ADAMTS18: variants seen among roughly 807,000 people sequenced by gnomAD.
The protein encoded by ADAMTS18 is ADAM metallopeptidase with thrombospondin type 1 motif 18, also known as A disintegrin and metalloproteinase with thrombospondin motifs 18.
ADAMTS18 carries 157 observed loss-of-function variants against 165.9 expected under a neutral mutation model. The ratio of observed to expected loss-of-function variants is 0.95; its 90% CI spans 0.83 to 1.08. The LOEUF (loss-of-function observed/expected upper bound fraction) is 1.08. ADAMTS18 is among the 50% of genes least tolerant of loss of function. ADAMTS18 has a pLI of 0.00. For synonymous variants in ADAMTS18, 782 were observed against 578.2 expected, an observed-to-expected ratio of 1.35 and a Z score of -5.06; for missense variants, 2,040 against 1,534.0, an observed-to-expected ratio of 1.33 and a Z score of -5.51.
intron 3 of ADAMTS18, among the ~76,000 whole-genome samples, chr16:77,373,877 T>C (rs13332995): frequency 0.32 from 48,823 of 151,926 alleles, 8,949 homozygotes; most frequent in East Asian, 0.59. Context: ...ACAGCAGGGG[T>C]CACCTGAGTA....
At chr16:77,398,038 C>T (rs1022593405) in intron 3 of ADAMTS18, among the ~76,000 whole-genome samples, 3 of 152,004 alleles carry the variant, frequency 2.0e-5, no homozygotes, top group Non-Finnish European at 4.4e-5. Flanking sequence ...GAGGAAGGGC[C>T]GGGCATGGTG....
chr16:77,359,678 T>TA (rs1467190290), intron 7 of ADAMTS18, among the ~76,000 whole-genome samples: 2 of 152,206 alleles, frequency 1.3e-5, no homozygotes, highest in African/African-American at 4.8e-5. Context: ...CCCTGTAAGG[T>TA]CAGTATGAGT....
At chr16:77,394,119 T>C (rs144363635) in intron 3 of ADAMTS18, among the ~76,000 whole-genome samples, 1 of 152,360 alleles carries the variant, frequency 6.6e-6, no homozygotes, top group Non-Finnish European at 1.5e-5. Context: ...TTAAACTTGA[T>C]ATCACTGCAC....
At chr16:77,302,173 A>C (rs2055596692) in intron 16 of ADAMTS18, among the ~76,000 whole-genome samples, 1 of 152,090 alleles carries the variant, frequency 6.6e-6, no homozygotes, top group African/African-American at 2.4e-5. Flanking sequence ...TGTTTCTGTT[A>C]ATGTTTTCAT....
At chr16:77,369,220 C>T in intron 3 of ADAMTS18, among the ~76,000 whole-genome samples, 1 of 152,114 alleles carries the variant, frequency 6.6e-6, no homozygotes, top group Non-Finnish European at 1.5e-5. Flanking sequence ...TCATTTCTGA[C>T]TTTATTTTAA....
intron 9 of ADAMTS18, among the ~76,000 whole-genome samples, chr16:77,355,569 G>T (rs933951047): frequency 6.6e-6 from 1 of 152,124 alleles, no homozygotes; most frequent in Non-Finnish European, 1.5e-5. Context: ...ACAGGGGAGA[G>T]ATGGTTGAGT....
chr16:77,311,110 G>C (rs1193360835), intron 16 of ADAMTS18, among the ~76,000 whole-genome samples: 1 of 152,054 alleles, frequency 6.6e-6, no homozygotes, highest in Non-Finnish European at 1.5e-5. Context: ...GGAAAAAAAA[G>C]AGGAACATTA....
Position 77,434,771 on chromosome 16 carries a change from G to A in ADAMTS18, c.-76C>T. 3 of 1,250,136 alleles carry A rather than the reference G, an allele frequency of 2.4e-6. No homozygotes were observed. The highest frequency in any genetic ancestry group is 3.1e-6 in the Non-Finnish European group (3 of 973,886). 77.4% of individuals were successfully genotyped at this position (1,250,136 alleles called of 1,614,324 possible). Reference sequence around the variant, plus strand: ...CGCACGGGCGGCGCGCATTCTTTCCGCGGCCCCGGAGCTCGGCGCCCCAGG... The same window carrying A: ...CGCACGGGCGGCGCGCATTCTTTCCACGGCCCCGGAGCTCGGCGCCCCAGG... On this transcript the variant is annotated 5_prime_UTR_variant, in exon 1 of 23. Coordinates refer to ENST00000282849, the MANE Select transcript of ADAMTS18 (RefSeq NM_199355.4).
chr16:77,297,205 C>T (rs544358496), intron 18 of ADAMTS18, 84 bp downstream of exon 18: 68 of 1,557,238 alleles, frequency 4.4e-5, no homozygotes, highest in Non-Finnish European at 5.8e-5. Context: ...TAGCAGTATT[C>T]ACAGTGAGCT....
At chr16:77,359,571 T>A in intron 7 of ADAMTS18, 148 bp from the exon 8 acceptor site, 1 of 680,926 alleles carries the variant, frequency 1.5e-6, no homozygotes, top group East Asian at 2.7e-5. Context: ...AAAAAAGATC[T>A]ATAGTTCTTT....
chr16:77,362,627 A>G (rs1475089409), intron 6 of ADAMTS18, among the ~76,000 whole-genome samples: 2 of 152,238 alleles, frequency 1.3e-5, no homozygotes, highest in Non-Finnish European at 2.9e-5. Context: ...AAGCCTCATC[A>G]TTATTTCCAT....
chr16:77,305,012 C>T (rs531606376), intron 16 of ADAMTS18, among the ~76,000 whole-genome samples: 9 of 151,920 alleles, frequency 5.9e-5, no homozygotes, highest in African/African-American at 1.5e-4. Flanking sequence ...TCATGTAGAC[C>T]GAAAGACAAT....
intron 16 of ADAMTS18, among the ~76,000 whole-genome samples, chr16:77,304,238 C>T (rs926467382): frequency 2.6e-5 from 4 of 152,126 alleles, no homozygotes; most frequent in Non-Finnish European, 5.9e-5. Flanking sequence ...GCAGTAGGAT[C>T]TTTTGAGCTC....
chr16:77,283,811 T>A lies in ADAMTS18; in HGVS notation c.*145A>T. 1 of 668,258 alleles carries A rather than the reference T, an allele frequency of 1.5e-6. No homozygotes were observed. The highest frequency in any genetic ancestry group is 2.5e-5 in the Admixed American group (1 of 39,880). 41.4% of individuals were successfully genotyped at this position (668,258 alleles called of 1,614,324 possible). On this transcript the variant is annotated 3_prime_UTR_variant, in exon 23 of 23. Transcript: ENST00000282849. ...GAGCTAGAAGCCTACTGGCAACCTGTCTGTTCCTCAGAGCAGGCTCCTTCA... is the reference window on the plus strand; with the variant it reads ...GAGCTAGAAGCCTACTGGCAACCTGACTGTTCCTCAGAGCAGGCTCCTTCA...
intron 9 of ADAMTS18, among the ~76,000 whole-genome samples, chr16:77,354,958 A>G (rs529925764): frequency 5.3e-5 from 8 of 152,210 alleles, no homozygotes; most frequent in Non-Finnish European, 1.2e-4. Flanking sequence ...CTTACTAACA[A>G]AAAGTCTGTT....
chr16:77,284,040 C>G lies in ADAMTS18; in HGVS notation c.3582G>C (p.Trp1194Cys). 6.2e-7 allele frequency: 1 copy of G among 1,613,592 alleles called. No individual in the cohort carries two copies. The highest frequency in any genetic ancestry group is 8.5e-7 in the Non-Finnish European group (1 of 1,179,770). Residue 1194 changes from tryptophan (W) to cysteine (C), a missense_variant, in exon 23 of 23, where the codon TGG (tryptophan) becomes TGC (cysteine). Coordinates refer to ENST00000282849, the MANE Select transcript of ADAMTS18 (RefSeq NM_199355.4). ...CACCATGCTGAGGAACTAGGTGACA[C>G]CAGTTGAAGAAATCTACGCAGGATG... ...EDPSCVDFFN[W>C]CHLVPQHGVC...
chr16:77,367,373 C>A, intron 4 of ADAMTS18, 68 bp downstream of exon 4: 4 of 1,596,056 alleles, frequency 2.5e-6, no homozygotes, highest in Middle Eastern at 2.1e-4. Flanking sequence ...CTTGTACACC[C>A]AACAGCACTC....
At chr16:77,341,091 G>T (rs1300009810) in intron 11 of ADAMTS18, among the ~76,000 whole-genome samples, 1 of 152,060 alleles carries the variant, frequency 6.6e-6, no homozygotes, top group African/African-American at 2.4e-5. Context: ...TGAGAAAGAG[G>T]AAGAAAAATA....
At chr16:77,427,215 C>T (rs540894825) in intron 3 of ADAMTS18, among the ~76,000 whole-genome samples, 1 of 152,292 alleles carries the variant, frequency 6.6e-6, no homozygotes, top group Non-Finnish European at 1.5e-5. Flanking sequence ...TCAAGTGAAG[C>T]TAATCATAGT....
Sources: allele counts gnomAD v4.1 joint callset (sites outside exome capture counted in the v4.1 genomes callset), GRCh38; gene constraint gnomAD v4.1.1; transcripts MANE v1.5; gene names NCBI Gene and HGNC (gene_info 2026-07-23, HGNC 2026-07-21).